Variants in PDE9A observed in about 807,000 individuals in gnomAD.
PDE9A encodes the protein high affinity cGMP-specific 3',5'-cyclic phosphodiesterase 9A.
Under a neutral mutation model 87.4 loss-of-function variants are expected in PDE9A, and 60 were observed. The ratio of observed to expected loss-of-function variants is 0.69; its 90% CI spans 0.56 to 0.85. The LOEUF (loss-of-function observed/expected upper bound fraction) is 0.85. PDE9A is among the 40% of genes least tolerant of loss of function. The pLI is 0.00. For synonymous variants in PDE9A, 272 were observed against 279.4 expected, an observed-to-expected ratio of 0.97 and a Z score of 0.27; for missense variants, 665 against 779.0, an observed-to-expected ratio of 0.85 and a Z score of 1.74.
In PDE9A at chr21:42,660,935, C is replaced by T. The variant is rs1454191065; in HGVS notation, c.69+7052C>T. ...GCTGGTCACGCAACGGGAGCATTGG[C>T]CCTGAACAGAAACCCGCAGTACCCC... is the stretch of plus-strand genomic sequence containing the variant. On this transcript the variant is annotated intron_variant, in intron 1 of 19. Coordinates refer to ENST00000291539, the MANE Select transcript of PDE9A (RefSeq NM_002606.3). This position sits in a 1 kb window ranked among gnomAD's most constrained non-coding sequence, Gnocchi z 4.7. 2.0e-5 allele frequency among the ~76,000 whole-genome samples: 3 copies of T among 152,176 alleles called. No individual in the cohort carries two copies. Among genetic ancestry groups the T allele is most frequent in the African/African-American group, 7.2e-5 (3 of 41,438 alleles).
chr21:42,769,806 A>G (rs1017297368), intron 17 of PDE9A, among the ~76,000 whole-genome samples: 5 of 152,240 alleles, frequency 3.3e-5, no homozygotes, highest in Admixed American at 6.5e-5. Flanking sequence ...GCACACCTGC[A>G]CATCCTGAGC....
At chr21:42,766,419 A>G (rs2056407955) in intron 15 of PDE9A, among the ~76,000 whole-genome samples, 1 of 152,120 alleles carries the variant, frequency 6.6e-6, no homozygotes. Context: ...CATCAGGTGC[A>G]CCCCTGGCAT....
intron 1 of PDE9A, among the ~76,000 whole-genome samples, chr21:42,665,237 C>T (rs2057887727): frequency 6.6e-6 from 1 of 152,212 alleles, no homozygotes; most frequent in South Asian, 2.1e-4. Context: ...AGGAGCCAGC[C>T]CCGCCCATGC....
intron 1 of PDE9A, among the ~76,000 whole-genome samples, chr21:42,661,429 G>A (rs887024111): frequency 3.9e-4 from 38 of 98,346 alleles, no homozygotes; most frequent in African/African-American, 1.5e-3. Context: ...TGTACATTCC[G>A]CTTTCTATCT....
intron 14 of PDE9A, among the ~76,000 whole-genome samples, chr21:42,762,702 T>C (rs995746616): frequency 1.3e-5 from 2 of 152,130 alleles, no homozygotes; most frequent in Non-Finnish European, 2.9e-5. Flanking sequence ...ATTTATTTTT[T>C]TTTCTTTTGA....
intron 8 of PDE9A, 86 bp downstream of exon 8, chr21:42,743,946 C>A: frequency 1.2e-6 from 1 of 806,390 alleles, no homozygotes. Context: ...CTTTGTTTGC[C>A]TAAAAGAAAG....
At position 42,702,872 on chromosome 21, in the gene PDE9A, G is replaced by A. The variant is rs766899645; in HGVS notation, c.262+3861G>A. 2.2e-4 allele frequency among the ~76,000 whole-genome samples: 34 copies of A among 152,226 alleles called. No individual in the cohort carries two copies. The highest frequency in any genetic ancestry group is 4.1e-4 in the Non-Finnish European group (28 of 68,046). On this transcript the variant is annotated intron_variant, in intron 4 of 19. Coordinates refer to ENST00000291539, the MANE Select transcript of PDE9A (RefSeq NM_002606.3). This position sits in a 1 kb window ranked among gnomAD's most constrained non-coding sequence, Gnocchi z 4.9. The stretch of plus-strand genomic sequence containing the variant: ...GATGCTGGCTTTTATGCTGAGTGGC[G>A]TGGGCAGCTATTAGAAGGCTTTCAG...
intron 1 of PDE9A, among the ~76,000 whole-genome samples, chr21:42,678,491 A>G (rs1329946115): frequency 6.6e-6 from 1 of 152,190 alleles, no homozygotes. Context: ...GGCTGGGACC[A>G]AGGACACCCA....
intron 9 of PDE9A, among the ~76,000 whole-genome samples, chr21:42,752,724 C>T (rs2147002579): frequency 6.6e-6 from 1 of 152,316 alleles, no homozygotes; most frequent in Non-Finnish European, 1.5e-5. Flanking sequence ...AACAGAAAAA[C>T]AAATATCCAG....
At chr21:42,662,669 C>T (rs1019269489) in intron 1 of PDE9A, among the ~76,000 whole-genome samples, 3 of 140,138 alleles carry the variant, frequency 2.1e-5, no homozygotes, top group African/African-American at 5.6e-5. Flanking sequence ...ACACACACCA[C>T]GCACACGCAC....
chr21:42,756,608 G>A (rs1309605202), intron 10 of PDE9A, among the ~76,000 whole-genome samples: 1 of 151,634 alleles, frequency 6.6e-6, no homozygotes, highest in Non-Finnish European at 1.5e-5. Context: ...GAGGGCCCAG[G>A]GCTGTGGCCC....
intron 19 of PDE9A, among the ~76,000 whole-genome samples, 177 bp downstream of exon 19, chr21:42,772,697 G>A (rs193170674): frequency 1.5e-4 from 22 of 151,698 alleles, no homozygotes; most frequent in Middle Eastern, 3.4e-3. Context: ...GCGATGGCAC[G>A]ATCTCAGCTC....
Position 42,743,782 on chromosome 21 carries a change from G to T in PDE9A, c.575G>T (p.Gly192Val). 6.3e-7 allele frequency: 1 copy of T among 1,585,068 alleles called. No homozygotes were observed. Among genetic ancestry groups the T allele is most frequent in the Non-Finnish European group, 8.6e-7 (1 of 1,162,722 alleles). ...AVLEKRVELE[G>V]LKVVEIEKCK... is the part of the protein sequence containing the mutation. ...TCTCTCTCTCTGTCACCAGTGGAAGGACTAAAAGTGGTGGAGATTGAGAAA... is the reference window on the plus strand; with the variant it reads ...TCTCTCTCTCTGTCACCAGTGGAAGTACTAAAAGTGGTGGAGATTGAGAAA... Residue 192 changes from glycine (G) to valine (V), a missense_variant, in exon 8 of 20, where the codon GGA (glycine) becomes GTA (valine). Transcript: ENST00000291539.
intron 1 of PDE9A, among the ~76,000 whole-genome samples, chr21:42,678,731 T>C (rs1206374707): frequency 6.6e-6 from 1 of 152,220 alleles, no homozygotes; most frequent in African/African-American, 2.4e-5. Context: ...GCAAACAGCA[T>C]CGGATGTGCA....
chr21:42,772,453 T>C lies in PDE9A; in HGVS notation c.1701T>C (p.Thr567=), dbSNP rs1336036390. The C allele has an allele frequency of 1.2e-6, 2 of 1,609,532 alleles. No homozygotes were observed. Among genetic ancestry groups the C allele is most frequent in the South Asian group, 1.1e-5 (1 of 89,696 alleles). Reference sequence around the variant, plus strand: ...CTCTGTTCCAGTTACAGAAGAAGACTGACAGCTTGACGTCTGGGGCCACCG... The same window carrying C: ...CTCTGTTCCAGTTACAGAAGAAGACCGACAGCTTGACGTCTGGGGCCACCG... The part of the protein sequence containing the change: ...DDAMKELQKK[T]DSLTSGATEK... Residue 567 remains threonine, a synonymous_variant, in exon 19 of 20, where the codon ACT becomes ACC. Coordinates refer to ENST00000291539, the MANE Select transcript of PDE9A (RefSeq NM_002606.3).
chr21:42,769,276 CGTACACAG>C, intron 17 of PDE9A, 121 bp downstream of exon 17: 2 of 908,890 alleles, frequency 2.2e-6, no homozygotes, highest in East Asian at 2.6e-5. Context: ...CATGCACACA[CGTACACAG>C]ATACACACAG....
Position 42,696,497 on chromosome 21 carries a change from C to T in PDE9A, c.219-2471C>T. On this transcript the variant is annotated intron_variant, in intron 3 of 19. Transcript: ENST00000291539. The surrounding 1 kb of genome is among the most constrained non-coding windows in gnomAD (Gnocchi z 5.1). ...GGAGTGGGGAGCCAGGGTGGCAAAG[C>T]CCCTTCCTGCTGCCCACGCAGGTCC... is the stretch of plus-strand genomic sequence containing the variant. Among the ~76,000 whole-genome samples, 1 of 152,180 alleles carries T rather than the reference C, an allele frequency of 6.6e-6. No individual in the cohort carries two copies. Among genetic ancestry groups the T allele is most frequent in the East Asian group, 1.9e-4 (1 of 5,188 alleles).
chr21:42,663,214 C>T (rs1031504203), intron 1 of PDE9A, among the ~76,000 whole-genome samples: 8 of 151,234 alleles, frequency 5.3e-5, no homozygotes, highest in East Asian at 3.9e-4. Flanking sequence ...CACACATGCA[C>T]GCACCTACCA....
chr21:42,775,097 A>G (rs1041661096), intron 19 of PDE9A, among the ~76,000 whole-genome samples, 183 bp from the exon 20 acceptor site: 4 of 151,750 alleles, frequency 2.6e-5, no homozygotes, highest in Non-Finnish European at 4.4e-5. Context: ...GTGTGCCACC[A>G]CGCCTGGCTA....
Sources: allele counts gnomAD v4.1 joint callset (sites outside exome capture counted in the v4.1 genomes callset), GRCh38; gene constraint gnomAD v4.1.1; non-coding constraint Gnocchi (gnomAD v3.1); transcripts MANE v1.5; gene names NCBI Gene and HGNC (gene_info 2026-07-23, HGNC 2026-07-21).